The following ABCF1 variants were observed in gnomAD, a reference collection of about 807,000 sequenced individuals.
The protein encoded by ABCF1 is ATP-binding cassette sub-family F member 1.
ABCF1 carries 73 observed loss-of-function variants against 126.3 expected under a neutral mutation model. The ratio of observed to expected loss-of-function variants is 0.58; its 90% CI spans 0.48 to 0.70. ABCF1 has a LOEUF of 0.70. ABCF1 is among the 30% of genes least tolerant of loss of function. The pLI, the probability that ABCF1 is intolerant of heterozygous loss-of-function variation, is 0.00. For missense variants in ABCF1, 786 were observed against 1,057.5 expected (o/e 0.74, Z 3.56); for synonymous variants, 345 against 396.4 (o/e 0.87, Z 1.54).
At position 30,571,477 on chromosome 6, in the gene ABCF1, C is replaced by T. The variant is rs769175168; in HGVS notation, c.-11C>T. On this transcript the variant is annotated 5_prime_UTR_variant, in exon 1 of 25. Transcript: ENST00000326195. The stretch of plus-strand genomic sequence containing the variant: ...CCGGGCGCCGCCACAGTAGCTGTAA[C>T]TGCCACCGCGATGCCGAAGGCGCCC... The T allele has an allele frequency of 1.9e-6, 3 of 1,608,538 alleles. No individual in the cohort carries two copies. Among genetic ancestry groups the T allele is most frequent in the African/African-American group, 2.7e-5 (2 of 75,018 alleles).
rs1438072445 is a variant in ABCF1 at position 30,586,031 on chromosome 6, C to A, written c.1713+40C>A. The A allele has an allele frequency of 1.3e-6, 2 of 1,592,950 alleles. No homozygotes were observed. The highest frequency in any genetic ancestry group is 2.2e-5 in the South Asian group (2 of 89,212). Reference sequence around the variant, plus strand: ...GACTTCTGGGCTGGGGGCCACTGTTCTCTCCTGGCAGTGGAGGAAGAAGGA... The same window carrying A: ...GACTTCTGGGCTGGGGGCCACTGTTATCTCCTGGCAGTGGAGGAAGAAGGA... On this transcript the variant is annotated intron_variant, in intron 17 of 24. Coordinates refer to ENST00000326195, the MANE Select transcript of ABCF1 (RefSeq NM_001025091.2). This position sits in a 1 kb window ranked among gnomAD's most constrained non-coding sequence, Gnocchi z 4.9.
In ABCF1 at chr6:30,580,923, G is replaced by C. The variant is rs1264442; in HGVS notation, c.678+404G>C. Reference sequence around the variant, plus strand: ...ATTTCTGGGCTCAAGCAGTCCTCCTGCCTCAGCCTCCCAAAATGCTGGGTT... The same window carrying C: ...ATTTCTGGGCTCAAGCAGTCCTCCTCCCTCAGCCTCCCAAAATGCTGGGTT... On this transcript the variant is annotated intron_variant, in intron 8 of 24. Transcript: ENST00000326195. Among the ~76,000 whole-genome samples the C allele has an allele frequency of 7.5e-3, 1,141 of 152,148 alleles. 9 individuals carry two copies. The highest frequency in any genetic ancestry group is 9.8e-3 in the African/African-American group (406 of 41,510).
intron 20 of ABCF1, chr6:30,589,389 G>A: frequency 2.2e-6 from 1 of 461,446 alleles, no homozygotes; most frequent in Non-Finnish European, 3.9e-6. Context: ...TATGGACGAG[G>A]TCAGGAGATC....
At position 30,589,868 on chromosome 6, in the gene ABCF1, GTACCTGCAGCGGGGCT is replaced by G. The variant is rs1802348210; in HGVS notation, c.2129_2144del (p.Tyr710SerfsTer61). 6.2e-7 allele frequency: 1 copy of G among 1,614,216 alleles called. No individual in the cohort carries two copies. Among genetic ancestry groups the G allele is most frequent in the Non-Finnish European group, 8.5e-7 (1 of 1,180,034 alleles). Reference sequence around the variant, plus strand: ...TGCGCATGGAGGAGACGCCCACTGAGTACCTGCAGCGGGGCTTCAACCTGCCCTACCAGGATGCCCG... The same window carrying G: ...TGCGCATGGAGGAGACGCCCACTGAGTCAACCTGCCCTACCAGGATGCCCG... On this transcript the variant is annotated frameshift_variant, in exon 22 of 25. Transcript: ENST00000326195. LOFTEE classifies it high-confidence loss of function.
intron 2 of ABCF1, 127 bp from the exon 3 acceptor site, chr6:30,577,687 GAAAA>G: frequency 9.7e-7 from 1 of 1,029,408 alleles, no homozygotes; most frequent in South Asian, 1.5e-5. Flanking sequence ...TCCACAAAAA[GAAAA>G]AAAAGAGAGA....
chr6:30,586,623 C>T lies in ABCF1; in HGVS notation c.1961-18C>T. On this transcript the variant is annotated intron_variant, in intron 19 of 24. Coordinates refer to ENST00000326195, the MANE Select transcript of ABCF1 (RefSeq NM_001025091.2). The surrounding 1 kb of genome is among the most constrained non-coding windows in gnomAD (Gnocchi z 4.9). ...AGTCTCTGGGGACCTCTTTGACCAC[C>T]TGTCTTCCATCTTGCAGTTTGCATT... 1.2e-6 allele frequency: 2 copies of T among 1,613,478 alleles called. No individual in the cohort carries two copies. Among genetic ancestry groups the T allele is most frequent in the Middle Eastern group, 1.6e-4 (1 of 6,062 alleles).
At position 30,590,646 on chromosome 6, in the gene ABCF1, A is replaced by G. The variant is rs780347494; in HGVS notation, c.2483A>G (p.Lys828Arg). Residue 828 changes from lysine to arginine, a missense_variant, in exon 25 of 25, where the codon AAG becomes AGG. Around this residue, in one of 4 missense-constraint regions of ABCF1, gnomAD observed 288 missense variants for 423.5 expected, o/e 0.68. Coordinates refer to ENST00000326195, the MANE Select transcript of ABCF1 (RefSeq NM_001025091.2). Reference sequence around the variant, plus strand: ...ATCGATGGTGACTTTGAAGACTACAAGCGGGAGGTGTTGGAGGCCCTGGGT... The same window carrying G: ...ATCGATGGTGACTTTGAAGACTACAGGCGGGAGGTGTTGGAGGCCCTGGGT... ...SQIDGDFEDY[K>R]REVLEALGEV... 3 of 1,612,856 alleles carry G rather than the reference A, an allele frequency of 1.9e-6. No individual in the cohort carries two copies. The highest frequency in any genetic ancestry group is 2.2e-5 in the East Asian group (1 of 44,872).
intron 22 of ABCF1, 29 bp downstream of exon 22, chr6:30,590,003 C>T: frequency 1.2e-6 from 2 of 1,609,392 alleles, no homozygotes; most frequent in Admixed American, 3.3e-5. Flanking sequence ...GGGAGGGTGC[C>T]CTTCACCTTA....
chr6:30,587,494 C>T (rs1035102840), intron 20 of ABCF1, among the ~76,000 whole-genome samples: 7 of 151,860 alleles, frequency 4.6e-5, no homozygotes, highest in Admixed American at 1.3e-4. Flanking sequence ...ATTAGCCAGA[C>T]GTGGTTGCAC....
Position 30,584,404 on chromosome 6 carries a change from C to T in ABCF1, c.1243-14C>T, listed in dbSNP as rs1004867243. 6.2e-6 allele frequency: 10 copies of T among 1,613,092 alleles called. No homozygotes were observed. The highest frequency in any genetic ancestry group is 7.6e-6 in the Non-Finnish European group (9 of 1,180,026). ...GGGACCCTCAGACGTGTGTCCTCTTCTCCCTCCTCCCAGGTGTATGAGGAA... is the reference window on the plus strand; with the variant it reads ...GGGACCCTCAGACGTGTGTCCTCTTTTCCCTCCTCCCAGGTGTATGAGGAA... On this transcript the variant is annotated splice_polypyrimidine_tract_variant and intron_variant, in intron 13 of 24. Coordinates refer to ENST00000326195, the MANE Select transcript of ABCF1 (RefSeq NM_001025091.2). This position sits in a 1 kb window ranked among gnomAD's most constrained non-coding sequence, Gnocchi z 4.6.
intron 1 of ABCF1, among the ~76,000 whole-genome samples, chr6:30,575,451 G>A (rs1801451080): frequency 6.6e-6 from 1 of 151,868 alleles, no homozygotes; most frequent in South Asian, 2.1e-4. Flanking sequence ...TTTTGGAAGA[G>A]AAGATAATAA....
intron 6 of ABCF1, 83 bp downstream of exon 6, chr6:30,578,660 A>G (rs1221330433): frequency 3.3e-6 from 4 of 1,197,174 alleles, no homozygotes; most frequent in Non-Finnish European, 4.9e-6. Context: ...CTTTTAAACT[A>G]GCTCTTCTCG....
Position 30,589,935 on chromosome 6 carries a change from G to C in ABCF1, c.2194G>C (p.Glu732Gln), listed in dbSNP as rs1802353207. Residue 732 changes from glutamate (E) to glutamine (Q), a missense_variant, in exon 22 of 25, where the codon GAG (glutamate) becomes CAG (glutamine). By Grantham distance (29) the Glu-to-Gln change is conservative. This residue lies in a region of ABCF1 where 288 missense variants were observed against 423.5 expected (regional missense o/e 0.68). Transcript: ENST00000326195. Reference protein sequence around the residue: ...ARKCLGRFGLESHAHTIQICK... With the variant: ...ARKCLGRFGLQSHAHTIQICK... ...CAAGTGCCTGGGCCGCTTCGGCCTG[G>C]AGAGTCACGCCCACACCATCCAGAT... is the stretch of plus-strand genomic sequence containing the variant. The C allele has an allele frequency of 6.2e-7, 1 of 1,613,816 alleles. No individual in the cohort carries two copies. The highest frequency in any genetic ancestry group is 2.2e-5 in the East Asian group (1 of 44,894).
At chr6:30,578,289 A>T (rs149195559) in intron 4 of ABCF1, 59 bp from the exon 5 acceptor site, 4 of 1,613,800 alleles carry the variant, frequency 2.5e-6, no homozygotes, top group Non-Finnish European at 2.5e-6. Flanking sequence ...GTTGGATTCA[A>T]TTGGGGGGCC....
chr6:30,584,462 C>G lies in ABCF1; in HGVS notation c.1287C>G (p.Ala429=), dbSNP rs758967453. The G allele has an allele frequency of 5.0e-6, 8 of 1,613,042 alleles. No homozygotes were observed. The highest frequency in any genetic ancestry group is 4.4e-5 in the South Asian group (4 of 91,076). ...CCACTGGGGCGGCAGCTGCAGAGGC[C>G]AAAGCACGGCGGATCCTGGCTGGCC... ...LRATGAAAAE[A]KARRILAGLG... Residue 429 remains alanine, a synonymous_variant, in exon 14 of 25, where the codon GCC becomes GCG. Transcript: ENST00000326195. The surrounding 1 kb of genome is among the most constrained non-coding windows in gnomAD (Gnocchi z 4.6).
chr6:30,573,800 T>G (rs1429630195), intron 1 of ABCF1, among the ~76,000 whole-genome samples: 1 of 152,224 alleles, frequency 6.6e-6, no homozygotes, highest in African/African-American at 2.4e-5. Flanking sequence ...GCAGAAGTAG[T>G]GTTCATTCGG....
intron 7 of ABCF1, 46 bp from the exon 8 acceptor site, chr6:30,580,360 G>T: frequency 2.0e-6 from 2 of 1,014,992 alleles, no homozygotes; most frequent in Non-Finnish European, 2.7e-6. Context: ...AAAAAAAAAA[G>T]AAAAAAAAAA....
At chr6:30,588,550 A>G (rs575181897) in intron 20 of ABCF1, among the ~76,000 whole-genome samples, 1 of 151,952 alleles carries the variant, frequency 6.6e-6, no homozygotes, top group South Asian at 2.1e-4. Context: ...TTTAGTAGAG[A>G]TGGTTTCACC....
Position 30,589,950 on chromosome 6 carries a change from A to G in ABCF1, c.2209A>G (p.Thr737Ala). 6.2e-7 allele frequency: 1 copy of G among 1,613,576 alleles called. No individual in the cohort carries two copies. The highest frequency in any genetic ancestry group is 8.5e-7 in the Non-Finnish European group (1 of 1,180,000). ...CTTCGGCCTGGAGAGTCACGCCCAC[A>G]CCATCCAGATCTGCAAACTCTCTGG... ...GRFGLESHAH[T>A]IQICKLSGGQ... The change falls in exon 22 of 25, where the codon ACC becomes GCC. Residue 737 changes from threonine to alanine, a missense_variant. Coordinates refer to ENST00000326195, the MANE Select transcript of ABCF1 (RefSeq NM_001025091.2).
Sources: allele counts gnomAD v4.1 joint callset (sites outside exome capture counted in the v4.1 genomes callset), GRCh38; gene constraint gnomAD v4.1.1; regional missense constraint gnomAD v4.1.1; non-coding constraint Gnocchi (gnomAD v3.1); transcripts MANE v1.5; gene names NCBI Gene and HGNC (gene_info 2026-07-23, HGNC 2026-07-21).